RTN4RL1: variants seen among roughly 807,000 people sequenced by gnomAD.
RTN4RL1 encodes the protein reticulon-4 receptor-like 1.
A neutral mutation model predicts 25.6 loss-of-function variants in RTN4RL1; 7 were observed. The observed-to-expected ratio is 0.27, with a 90% CI of 0.16 to 0.51. RTN4RL1 has a LOEUF of 0.51. RTN4RL1 is among the 20% of genes least tolerant of loss of function. The pLI is 0.97. For synonymous variants in RTN4RL1, 297 were observed against 288.2 expected (o/e 1.03, Z -0.31); for missense variants, 500 against 615.6 (o/e 0.81, Z 1.99).
chr17:1,943,943 T>A (rs1915488217), intron 1 of RTN4RL1, among the ~76,000 whole-genome samples: 1 of 151,744 alleles, frequency 6.6e-6, no homozygotes, highest in African/African-American at 2.4e-5. Context: ...ATTTTTTTTT[T>A]AAGACACGGT....
chr17:2,014,863 T>C (rs1003886999), intron 1 of RTN4RL1, among the ~76,000 whole-genome samples: 1 of 151,394 alleles, frequency 6.6e-6, no homozygotes, highest in East Asian at 1.9e-4. Context: ...CATGATTCAA[T>C]TGAATCCAAA....
chr17:2,024,949 C>A lies in RTN4RL1; in HGVS notation c.-84G>T. 7.0e-7 allele frequency: 1 copy of A among 1,430,634 alleles called. No individual in the cohort carries two copies. Among genetic ancestry groups the A allele is most frequent in the Non-Finnish European group, 9.5e-7 (1 of 1,052,200 alleles). 88.6% of individuals were successfully genotyped at this position (1,430,634 alleles called of 1,614,324 possible). On this transcript the variant is annotated 5_prime_UTR_variant, in exon 1 of 2. Coordinates refer to ENST00000331238, the MANE Select transcript of RTN4RL1 (RefSeq NM_178568.4). ...GATTCAAATCCCTGGGCGCCAGCTGCAGCTAATCCGAGCGCGTCGAGGCGG... is the reference window on the plus strand; with the variant it reads ...GATTCAAATCCCTGGGCGCCAGCTGAAGCTAATCCGAGCGCGTCGAGGCGG...
At chr17:2,017,230 C>T (rs572133018) in intron 1 of RTN4RL1, among the ~76,000 whole-genome samples, 32 of 152,368 alleles carry the variant, frequency 2.1e-4, no homozygotes, top group Non-Finnish European at 3.7e-4. Flanking sequence ...TTTCTACCAC[C>T]TCAGTGGGCT....
Position 1,935,679 on chromosome 17 carries a change from G to T in RTN4RL1, c.*817C>A, listed in dbSNP as rs1477200555. ...TAAACATGAAAAGACGTACAGTTAGGTAACGGAGTGGGAGGGGGACTGTGC... is the reference window on the plus strand; with the variant it reads ...TAAACATGAAAAGACGTACAGTTAGTTAACGGAGTGGGAGGGGGACTGTGC... On this transcript the variant is annotated 3_prime_UTR_variant, in exon 2 of 2. Coordinates refer to ENST00000331238, the MANE Select transcript of RTN4RL1 (RefSeq NM_178568.4). 5.3e-6 allele frequency: 5 copies of T among 948,478 alleles called. No individual in the cohort carries two copies. The highest frequency in any genetic ancestry group is 1.9e-5 in the African/African-American group (1 of 51,536). 58.8% of individuals were successfully genotyped at this position (948,478 alleles called of 1,614,324 possible). A position where few individuals can be genotyped will look rare whatever the true frequency, so the allele number is the denominator to read the frequency against.
At chr17:1,976,019 A>C (rs1157444294) in intron 1 of RTN4RL1, among the ~76,000 whole-genome samples, 1 of 152,172 alleles carries the variant, frequency 6.6e-6, no homozygotes. Flanking sequence ...TCTATTCAGC[A>C]CTCACTCAAA....
chr17:1,965,429 A>G (rs2066786413), intron 1 of RTN4RL1, among the ~76,000 whole-genome samples: 1 of 152,074 alleles, frequency 6.6e-6, no homozygotes, highest in Non-Finnish European at 1.5e-5. Context: ...CTTTTCTAAT[A>G]TGGCTACTAG....
intron 1 of RTN4RL1, among the ~76,000 whole-genome samples, chr17:1,990,632 T>C (rs747893261): frequency 5.3e-5 from 8 of 151,908 alleles, no homozygotes; most frequent in Non-Finnish European, 1.0e-4. Context: ...GCCCAGGAGG[T>C]TGAGGCTGCA....
At chr17:1,986,748 T>TAAAAA (rs56653579) in intron 1 of RTN4RL1, among the ~76,000 whole-genome samples, 437 of 147,342 alleles carry the variant, frequency 3.0e-3, no homozygotes, top group African/African-American at 9.7e-3. Flanking sequence ...TAATAGCCAT[T>TAAAAA]AAAAAAAAAA....
intron 1 of RTN4RL1, among the ~76,000 whole-genome samples, chr17:1,943,836 G>C (rs1356704236): frequency 1.3e-5 from 2 of 152,182 alleles, no homozygotes; most frequent in Non-Finnish European, 2.9e-5. Flanking sequence ...GACGTGGGGC[G>C]TGGGGTGTGC....
intron 1 of RTN4RL1, among the ~76,000 whole-genome samples, chr17:2,010,166 T>C (rs1478793409): frequency 7.8e-6 from 1 of 127,620 alleles, no homozygotes; most frequent in Non-Finnish European, 1.6e-5. Flanking sequence ...TGATAGAATA[T>C]AGTTGTTTAG....
At chr17:2,008,047 C>T (rs2067013022) in intron 1 of RTN4RL1, among the ~76,000 whole-genome samples, 2 of 151,772 alleles carry the variant, frequency 1.3e-5, no homozygotes, top group South Asian at 4.1e-4. Context: ...CCGAGGCGGG[C>T]GGATCACCTG....
At chr17:2,000,874 A>G (rs1345054645) in intron 1 of RTN4RL1, among the ~76,000 whole-genome samples, 2 of 151,754 alleles carry the variant, frequency 1.3e-5, no homozygotes, top group African/African-American at 4.8e-5. Context: ...GCTCCAAATC[A>G]TGCCACCCAG....
intron 1 of RTN4RL1, among the ~76,000 whole-genome samples, chr17:1,965,854 T>C (rs748028404): frequency 4.6e-5 from 7 of 152,150 alleles, no homozygotes; most frequent in Non-Finnish European, 8.8e-5. Flanking sequence ...CAAAAGGCCA[T>C]GTGCCTGTGG....
chr17:1,969,225 A>AT (rs1234962175), intron 1 of RTN4RL1, among the ~76,000 whole-genome samples: 2 of 151,850 alleles, frequency 1.3e-5, no homozygotes, highest in Admixed American at 6.6e-5. Context: ...CATCCAGCTA[A>AT]TTTTTTTATT....
At chr17:1,979,826 C>G (rs192081976) in intron 1 of RTN4RL1, among the ~76,000 whole-genome samples, 12 of 152,336 alleles carry the variant, frequency 7.9e-5, no homozygotes, top group South Asian at 2.1e-4. Flanking sequence ...CCTCCTCCCC[C>G]CTTGACTGCC....
intron 1 of RTN4RL1, among the ~76,000 whole-genome samples, chr17:1,963,618 TG>T (rs1310048720): frequency 6.6e-6 from 1 of 152,192 alleles, no homozygotes; most frequent in African/African-American, 2.4e-5. Context: ...GATTTTGAGG[TG>T]AGAAGGAGAA....
chr17:2,021,701 T>C (rs140999310), intron 1 of RTN4RL1, among the ~76,000 whole-genome samples: 1,811 of 151,738 alleles, frequency 0.012, 39 homozygotes, highest in African/African-American at 0.041. Context: ...ATTACAGGCA[T>C]GAACCAGCAC....
chr17:1,982,647 A>AGAAAC (rs1239228255), intron 1 of RTN4RL1, among the ~76,000 whole-genome samples: 2 of 141,180 alleles, frequency 1.4e-5, no homozygotes, highest in Admixed American at 7.0e-5. Flanking sequence ...AGAAAAGAAA[A>AGAAAC]GAAACTCTGG....
intron 1 of RTN4RL1, among the ~76,000 whole-genome samples, chr17:1,947,076 G>A (rs1237698376): frequency 7.0e-6 from 1 of 143,584 alleles, no homozygotes; most frequent in Non-Finnish European, 1.5e-5. Flanking sequence ...GTGTGCACGG[G>A]GTCTGTGCGT....
Sources: gnomAD v4.1 joint callset for allele counts (sites outside exome capture counted in the v4.1 genomes callset) on GRCh38, gnomAD v4.1.1 for gene constraint, MANE v1.5 for transcripts, NCBI Gene and HGNC (gene_info 2026-07-23, HGNC 2026-07-21) for gene names.